The following NOTCH4 variants were observed in gnomAD, a reference collection of about 807,000 sequenced individuals.
NOTCH4 encodes notch receptor 4, also known as neurogenic locus notch homolog protein 4.
In NOTCH4, 138 loss-of-function variants were observed where a neutral mutation model predicts 189.0. The observed-to-expected ratio is 0.73, with a 90% CI of 0.64 to 0.84. NOTCH4 has a LOEUF of 0.84. Among genes scored for constraint, NOTCH4 ranks in the 40% least tolerant of loss-of-function variants. The probability of loss-of-function intolerance (pLI) is 0.00; values close to 1 mark genes in which losing one functional copy is unlikely to be tolerated. For synonymous variants in NOTCH4, 942 were observed against 1,032.8 expected (o/e 0.91, Z 1.69); for missense variants, 2,286 against 2,605.4 (o/e 0.88, Z 2.67).
Position 32,212,679 on chromosome 6 carries a change from C to T in NOTCH4, c.2527-52G>A. ...AGGACATAGCATCAGATTCTCAGCCCAGAGATGGTCCTCTGCCCACTCCAG... is the reference window on the plus strand; with the variant it reads ...AGGACATAGCATCAGATTCTCAGCCTAGAGATGGTCCTCTGCCCACTCCAG... On this transcript the variant is annotated intron_variant, in intron 16 of 29. Transcript: ENST00000375023. This position sits in a 1 kb window ranked among gnomAD's most constrained non-coding sequence, Gnocchi z 4.4. 1 of 1,568,214 alleles carries T rather than the reference C, an allele frequency of 6.4e-7. No individual in the cohort carries two copies. The highest frequency in any genetic ancestry group is 8.7e-7 in the Non-Finnish European group (1 of 1,154,786).
rs1582806385 is a variant in NOTCH4 at position 32,212,947 on chromosome 6, G to T, written c.2439-36C>A. 6.5e-7 allele frequency: 1 copy of T among 1,537,804 alleles called. No homozygotes were observed. Among genetic ancestry groups the T allele is most frequent in the Non-Finnish European group, 8.8e-7 (1 of 1,130,540 alleles). ...CAGAGACAGGGCATGATAGGAAGAAGTTCGGGCAACAAGGGGAAGGTAGTG... is the reference window on the plus strand; with the variant it reads ...CAGAGACAGGGCATGATAGGAAGAATTTCGGGCAACAAGGGGAAGGTAGTG... On this transcript the variant is annotated intron_variant, in intron 15 of 29. Transcript: ENST00000375023. The surrounding 1 kb of genome is among the most constrained non-coding windows in gnomAD (Gnocchi z 4.4).
chr6:32,212,532 C>G lies in NOTCH4; in HGVS notation c.2622G>C (p.Trp874Cys), dbSNP rs2127477298. The G allele has an allele frequency of 1.9e-6, 3 of 1,613,132 alleles. No individual in the cohort carries two copies. The highest frequency in any genetic ancestry group is 2.5e-6 in the Non-Finnish European group (3 of 1,179,988). Residue 874 changes from tryptophan (W) to cysteine (C), a missense_variant, in exon 17 of 30, where the codon TGG (tryptophan) becomes TGC (cysteine). Coordinates refer to ENST00000375023, the MANE Select transcript of NOTCH4 (RefSeq NM_004557.4). This position sits in a 1 kb window ranked among gnomAD's most constrained non-coding sequence, Gnocchi z 4.4. The part of the protein sequence containing the change: ...PSFHCLCLQG[W>C]TGPLCNLPLS... ...GTGGAAGGTTGCAGAGAGGCCCGGT[C>G]CATCCCTGGAGGCACAAGCAGTGGA... is the stretch of plus-strand genomic sequence containing the variant.
At position 32,202,311 on chromosome 6, in the gene NOTCH4, C is replaced by T. The variant is rs775047010; in HGVS notation, c.3520G>A (p.Gly1174Arg). The part of the protein sequence containing the change: ...SSPGPRCQKP[G>R]AKGCEGRSGD... ...CTTCTGCCCTCACACCCCTTGGCTCCGGGTTTCTGACACCGGGGCCCTGGA... is the reference window on the plus strand; with the variant it reads ...CTTCTGCCCTCACACCCCTTGGCTCTGGGTTTCTGACACCGGGGCCCTGGA... Residue 1174 changes from glycine (G) to arginine (R), a missense_variant, in exon 21 of 30, where the codon GGA (glycine) becomes AGA (arginine). Transcript: ENST00000375023. This position sits in a 1 kb window ranked among gnomAD's most constrained non-coding sequence, Gnocchi z 5.7. 4.5e-5 allele frequency: 73 copies of T among 1,612,156 alleles called. No individual in the cohort carries two copies. Among genetic ancestry groups the T allele is most frequent in the Non-Finnish European group, 5.4e-5 (64 of 1,179,432 alleles).
In NOTCH4 at chr6:32,196,386, T is replaced by G; in HGVS notation, c.5236A>C (p.Asn1746His). ...AGAAGCGAGCGGGCGGCTCGGGCGTTGTTCACGGCAGCAGCCCAGTGCAGC... is the reference window on the plus strand; with the variant it reads ...AGAAGCGAGCGGGCGGCTCGGGCGTGGTTCACGGCAGCAGCCCAGTGCAGC... ...TALHWAAAVN[N>H]ARAARSLLQA... Residue 1746 changes from asparagine (N) to histidine (H), a missense_variant, in exon 29 of 30, where the codon AAC becomes CAC. Coordinates refer to ENST00000375023, the MANE Select transcript of NOTCH4 (RefSeq NM_004557.4). 6.2e-7 allele frequency: 1 copy of G among 1,613,116 alleles called. No individual in the cohort carries two copies. The highest frequency in any genetic ancestry group is 8.5e-7 in the Non-Finnish European group (1 of 1,180,038).
Position 32,204,176 on chromosome 6 carries a change from C to T in NOTCH4, c.3079G>A (p.Ala1027Thr), listed in dbSNP as rs1403160197. The T allele has an allele frequency of 6.2e-7, 1 of 1,612,890 alleles. No homozygotes were observed. Among genetic ancestry groups the T allele is most frequent in the Admixed American group, 1.7e-5 (1 of 60,000 alleles). The change falls in exon 19 of 30, where the codon GCC (alanine) becomes ACC (threonine). Residue 1027 changes from alanine (A) to threonine (T), a missense_variant. Physicochemically the swap from Ala to Thr is moderately conservative, Grantham distance 58. Around this residue, in one of 2 missense-constraint regions of NOTCH4, gnomAD observed 1,903 missense variants for 2,261.9 expected, o/e 0.84. Transcript: ENST00000375023. ...AGACACTGGCAGTAGAAGGCATTGGCCAGAGAGTGGCAGGCTGCAGTGCCT... is the reference window on the plus strand; with the variant it reads ...AGACACTGGCAGTAGAAGGCATTGGTCAGAGAGTGGCAGGCTGCAGTGCCT... ...PTGTAACHSL[A>T]NAFYCQCLPG...
chr6:32,195,791 C>T lies in NOTCH4; in HGVS notation c.5658G>A (p.Leu1886=). The T allele has an allele frequency of 1.2e-6, 2 of 1,605,682 alleles. No individual in the cohort carries two copies. The highest frequency in any genetic ancestry group is 1.7e-6 in the Non-Finnish European group (2 of 1,179,402). The change falls in exon 30 of 30, where the codon TTG becomes TTA. Residue 1886 remains leucine, a synonymous_variant. Coordinates refer to ENST00000375023, the MANE Select transcript of NOTCH4 (RefSeq NM_004557.4). This position sits in a 1 kb window ranked among gnomAD's most constrained non-coding sequence, Gnocchi z 5.4. Reference sequence around the variant, plus strand: ...AATAGGCCCCGCCCCCCCGCGCAGCCAAGTCTACGGACCAAGTCCGAGCCT... The same window carrying T: ...AATAGGCCCCGCCCCCCCGCGCAGCTAAGTCTACGGACCAAGTCCGAGCCT... The part of the protein sequence containing the change: ...CLQARTWSVD[L]AARGGGAYSH...
rs1582832371 is a variant in NOTCH4, at chr6:32,223,899, C to T, written c.30G>A (p.Leu10=). The part of the protein sequence containing the change: MQPPSLLLL[L]LLLLLLCVSV... ...AGACACATAGCAGCAGCAGCAGCAGCAGCAGCAGCAGCAGTGAAGGGGGCT... is the reference window on the plus strand; with the variant it reads ...AGACACATAGCAGCAGCAGCAGCAGTAGCAGCAGCAGCAGTGAAGGGGGCT... Residue 10 remains leucine (L), a synonymous_variant, in exon 1 of 30, where the codon CTG becomes CTA. Coordinates refer to ENST00000375023, the MANE Select transcript of NOTCH4 (RefSeq NM_004557.4). The T allele has an allele frequency of 1.2e-6, 2 of 1,602,502 alleles. No homozygotes were observed. Among genetic ancestry groups the T allele is most frequent in the South Asian group, 1.1e-5 (1 of 90,514 alleles).
At chr6:32,223,326 C>T (rs965811816) in intron 1 of NOTCH4, among the ~76,000 whole-genome samples, 1 of 152,116 alleles carries the variant, frequency 6.6e-6, no homozygotes, top group Non-Finnish European at 1.5e-5. Context: ...AGTCCAGCCT[C>T]GGACTCCATC....
intron 18 of NOTCH4, among the ~76,000 whole-genome samples, chr6:32,208,003 CAAA>C (rs9279505): frequency 0.073 from 9,423 of 129,702 alleles, 375 homozygotes; most frequent in East Asian, 0.2. Flanking sequence ...GACTCCTTCT[CAAA>C]AAAAAAAAAA....
In NOTCH4 at chr6:32,212,815, G is replaced by A. The variant is rs1029904146; in HGVS notation, c.2526+9C>T. 1.3e-6 allele frequency: 2 copies of A among 1,521,458 alleles called. No homozygotes were observed. The highest frequency in any genetic ancestry group is 1.8e-6 in the Non-Finnish European group (2 of 1,132,956). The allele number at this position is 1,521,458 out of a possible 1,614,324, so 94.2% of individuals were successfully genotyped here. ...CCTCCTCAGCACGCCTGACTTCAAT[G>A]GCCCTCACCTGGCAGCTGCCTCCGG... On this transcript the variant is annotated intron_variant, in intron 16 of 29. Coordinates refer to ENST00000375023, the MANE Select transcript of NOTCH4 (RefSeq NM_004557.4). This position sits in a 1 kb window ranked among gnomAD's most constrained non-coding sequence, Gnocchi z 4.4.
In NOTCH4 at chr6:32,198,607, C is replaced by G. The variant is rs8192575; in HGVS notation, c.4617+42G>C. 0.069 allele frequency: 110,999 copies of G among 1,610,484 alleles called. 4,633 individuals carry two copies. The highest frequency in any genetic ancestry group is 0.21 in the East Asian group (9,285 of 44,820). ...GTGAAGGTTGATTTGCCCTTTCATC[C>G]CTTCCATCACCTCCAGACCATTCTT... On this transcript the variant is annotated intron_variant, in intron 25 of 29. Coordinates refer to ENST00000375023, the MANE Select transcript of NOTCH4 (RefSeq NM_004557.4). This position sits in a 1 kb window ranked among gnomAD's most constrained non-coding sequence, Gnocchi z 5.5.
chr6:32,202,068 A>G lies in NOTCH4; in HGVS notation c.3755+8T>C. On this transcript the variant is annotated splice_region_variant and intron_variant, in intron 21 of 29. Transcript: ENST00000375023. The surrounding 1 kb of genome is among the most constrained non-coding windows in gnomAD (Gnocchi z 5.7). The stretch of plus-strand genomic sequence containing the variant: ...TCCTTCCCTGGCTCCAGTGGATTTC[A>G]GGCTCACGTGCAGGCTGGAGGGGTC... 2 of 1,422,102 alleles carry G rather than the reference A, an allele frequency of 1.4e-6. No individual in the cohort carries two copies. Among genetic ancestry groups the G allele is most frequent in the Non-Finnish European group, 1.9e-6 (2 of 1,078,400 alleles). The allele number at this position is 1,422,102 out of a possible 1,614,324, so 88.1% of individuals were successfully genotyped here.
At chr6:32,197,637 C>T in intron 26 of NOTCH4, 43 bp from the exon 27 acceptor site, 1 of 1,528,406 alleles carries the variant, frequency 6.5e-7, no homozygotes, top group Non-Finnish European at 8.9e-7. Context: ...AAGGACACAA[C>T]AAGGGGGAAG....
Position 32,215,362 on chromosome 6 carries a change from A to C in NOTCH4, c.1885T>G (p.Cys629Gly). Residue 629 changes from cysteine to glycine, a missense_variant, in exon 12 of 30, where the codon TGT becomes GGT. Cys to Gly is a radical substitution (Grantham distance 159). Coordinates refer to ENST00000375023, the MANE Select transcript of NOTCH4 (RefSeq NM_004557.4). Reference sequence around the variant, plus strand: ...TTGGGCTGGCACAGGTTGGGAGCACACAGGGGAACCTCACAGAGCTGGCCT... The same window carrying C: ...TTGGGCTGGCACAGGTTGGGAGCACCCAGGGGAACCTCACAGAGCTGGCCT... Reference protein sequence around the residue: ...FTGQLCEVPLCAPNLCQPKQI... With the variant: ...FTGQLCEVPLGAPNLCQPKQI... 1 of 1,610,908 alleles carries C rather than the reference A, an allele frequency of 6.2e-7. No individual in the cohort carries two copies. Among genetic ancestry groups the C allele is most frequent in the Non-Finnish European group, 8.5e-7 (1 of 1,179,354 alleles).
At chr6:32,197,943 T>A (rs1788062699) in intron 26 of NOTCH4, among the ~76,000 whole-genome samples, 1 of 150,636 alleles carries the variant, frequency 6.6e-6, no homozygotes, top group African/African-American at 2.4e-5. Context: ...TGCCTTAGCC[T>A]CCAGAGCAGC....
At chr6:32,219,478 T>G in intron 8 of NOTCH4, 114 bp downstream of exon 8, 2 of 936,262 alleles carry the variant, frequency 2.1e-6, no homozygotes, top group Non-Finnish European at 3.2e-6. Context: ...GAGAAGCATC[T>G]GTGGTAACTT....
Position 32,212,689 on chromosome 6 carries a change from C to T in NOTCH4, c.2527-62G>A. The T allele has an allele frequency of 1.9e-6, 3 of 1,547,514 alleles. No individual in the cohort carries two copies. Among genetic ancestry groups the T allele is most frequent in the Non-Finnish European group, 2.6e-6 (3 of 1,141,076 alleles). ...ATCAGATTCTCAGCCCAGAGATGGT[C>T]CTCTGCCCACTCCAGCTCCTCGAAA... On this transcript the variant is annotated intron_variant, in intron 16 of 29. Coordinates refer to ENST00000375023, the MANE Select transcript of NOTCH4 (RefSeq NM_004557.4). This position sits in a 1 kb window ranked among gnomAD's most constrained non-coding sequence, Gnocchi z 4.4.
chr6:32,213,891 C>T (rs112475759), intron 13 of NOTCH4, 51 bp from the exon 14 acceptor site: 432 of 1,592,354 alleles, frequency 2.7e-4, no homozygotes, highest in African/African-American at 3.4e-4. Context: ...TCCCTCCCTC[C>T]GCTCTCCTTC....
intron 8 of NOTCH4, among the ~76,000 whole-genome samples, chr6:32,219,135 C>T (rs1789593419): frequency 6.6e-6 from 1 of 152,084 alleles, no homozygotes; most frequent in Non-Finnish European, 1.5e-5. Flanking sequence ...CAATTTTTTT[C>T]TTGTTGTACC....
Sources: allele counts gnomAD v4.1 joint callset (sites outside exome capture counted in the v4.1 genomes callset), GRCh38; gene constraint gnomAD v4.1.1; regional missense constraint gnomAD v4.1.1; non-coding constraint Gnocchi (gnomAD v3.1); transcripts MANE v1.5; gene names NCBI Gene and HGNC (gene_info 2026-07-23, HGNC 2026-07-21).